TBX18: variants seen among roughly 807,000 people sequenced by gnomAD.
TBX18 encodes the protein T-box transcription factor 18.
Under a neutral mutation model 55.0 loss-of-function variants are expected in TBX18, and 21 were observed. The ratio of observed to expected loss-of-function variants is 0.38; its 90% CI spans 0.27 to 0.55. The LOEUF is 0.55. Among genes scored for constraint, TBX18 ranks in the 20% least tolerant of loss-of-function variants. The pLI, the probability that TBX18 is intolerant of heterozygous loss-of-function variation, is 0.73. For synonymous variants in TBX18, 342 were observed against 326.1 expected (o/e 1.05, Z -0.53); for missense variants, 840 against 799.6 (o/e 1.05, Z -0.61).
chr6:84,756,659 G>T, intron 4 of TBX18, 39 bp downstream of exon 4: 1 of 1,592,194 alleles, frequency 6.3e-7, no homozygotes, highest in Non-Finnish European at 8.6e-7. Flanking sequence ...AGATGTGGCT[G>T]TGCCATCTAC....
rs1442535768 is a variant in TBX18, at chr6:84,737,349, G to C, written c.1160C>G (p.Pro387Arg). 6.4e-7 allele frequency: 1 copy of C among 1,566,240 alleles called. No individual in the cohort carries two copies. The highest frequency in any genetic ancestry group is 8.6e-7 in the Non-Finnish European group (1 of 1,158,724). The change falls in exon 8 of 8, where the codon CCT becomes CGT. Residue 387 changes from proline (P) to arginine (R), a missense_variant. By Grantham distance (103) the Pro-to-Arg change is moderately radical (BLOSUM62 -2). Transcript: ENST00000369663. ...GCAAGAGGAGCCAGACAAAAGGTGA[G>C]GGTGAGTGGCAGGAACGCCATTCCC... ...GTGNGVPATH[P>R]HLLSGSSCSS...
intron 2 of TBX18, among the ~76,000 whole-genome samples, chr6:84,762,137 T>C (rs750421343): frequency 1.3e-5 from 2 of 150,328 alleles, no homozygotes; most frequent in Non-Finnish European, 3.0e-5. Flanking sequence ...TGGAGTAAAC[T>C]GCTGTTTAAA....
At chr6:84,747,003 G>T (rs1438481657) in intron 5 of TBX18, among the ~76,000 whole-genome samples, 4 of 151,996 alleles carry the variant, frequency 2.6e-5, no homozygotes, top group East Asian at 3.8e-4. Context: ...TCTCCATACG[G>T]ATAAGAGCTA....
chr6:84,756,537 C>T (rs890966810), intron 4 of TBX18, among the ~76,000 whole-genome samples, 161 bp downstream of exon 4: 8 of 152,160 alleles, frequency 5.3e-5, no homozygotes, highest in African/African-American at 1.9e-4. Flanking sequence ...GCAACAGGCA[C>T]AGTCTATGCA....
Position 84,736,597 on chromosome 6 carries a change from C to A in TBX18, c.*88G>T. The stretch of plus-strand genomic sequence containing the variant: ...TCTATTATATGTACATTTTATAAAC[C>A]ACAGAGAGTTTCTTTCCACATAGCT... On this transcript the variant is annotated 3_prime_UTR_variant, in exon 8 of 8. Transcript: ENST00000369663. 1 of 1,405,608 alleles carries A rather than the reference C, an allele frequency of 7.1e-7. No homozygotes were observed. The highest frequency in any genetic ancestry group is 9.4e-7 in the Non-Finnish European group (1 of 1,061,062). 87.1% of individuals were successfully genotyped at this position (1,405,608 alleles called of 1,614,324 possible). A position where few individuals can be genotyped will look rare whatever the true frequency, so the allele number is the denominator to read the frequency against.
intron 5 of TBX18, among the ~76,000 whole-genome samples, chr6:84,745,481 A>G (rs1242647312): frequency 1.3e-5 from 2 of 152,212 alleles, no homozygotes; most frequent in East Asian, 3.9e-4. Context: ...GTCCCCCTAC[A>G]TTGCTTGTGC....
Position 84,738,551 on chromosome 6 carries a change from G to T in TBX18, c.1045C>A (p.Arg349=). The change falls in exon 7 of 8, where the codon CGA becomes AGA. Residue 349 remains arginine (R), a synonymous_variant. Coordinates refer to ENST00000369663, the MANE Select transcript of TBX18 (RefSeq NM_001080508.3). ...AAGGTCAGAGTCCGTAGTGATGGTC[G>T]CCAGAATGCATATGATTCCACCAAG... is the stretch of plus-strand genomic sequence containing the variant. ...EALVESYAFW[R]PSLRTLTFED... 6.2e-7 allele frequency: 1 copy of T among 1,613,990 alleles called. No homozygotes were observed. Among genetic ancestry groups the T allele is most frequent in the Non-Finnish European group, 8.5e-7 (1 of 1,179,982 alleles).
chr6:84,756,837 G>A lies in TBX18; in HGVS notation c.632C>T (p.Ala211Val). ...YVYHSSKWMV[A>V]GNADSPVPPR... is the part of the protein sequence containing the mutation. ...TGGCACAGGCGAGTCAGCATTACCTGCCACCATCCATTTCGAACTGTGGTA... is the reference window on the plus strand; with the variant it reads ...TGGCACAGGCGAGTCAGCATTACCTACCACCATCCATTTCGAACTGTGGTA... The change falls in exon 4 of 8, where the codon GCA (alanine) becomes GTA (valine). Residue 211 changes from alanine (A) to valine (V), a missense_variant. Coordinates refer to ENST00000369663, the MANE Select transcript of TBX18 (RefSeq NM_001080508.3). 6.2e-7 allele frequency: 1 copy of A among 1,614,048 alleles called. No homozygotes were observed. Among genetic ancestry groups the A allele is most frequent in the Non-Finnish European group, 8.5e-7 (1 of 1,179,970 alleles).
intron 5 of TBX18, among the ~76,000 whole-genome samples, chr6:84,746,339 A>G (rs928310499): frequency 6.7e-6 from 1 of 149,902 alleles, no homozygotes; most frequent in Admixed American, 6.7e-5. Flanking sequence ...TCTCCCAAAA[A>G]ATCGTTTTCT....
intron 3 of TBX18, among the ~76,000 whole-genome samples, chr6:84,760,045 T>C (rs1050373113): frequency 6.6e-6 from 1 of 152,212 alleles, no homozygotes; most frequent in Non-Finnish European, 1.5e-5. Context: ...TTTCTCTATC[T>C]ATTAAAAACA....
chr6:84,739,722 C>CCAAG (rs1260657494), intron 6 of TBX18, among the ~76,000 whole-genome samples: 3 of 152,174 alleles, frequency 2.0e-5, no homozygotes, highest in African/African-American at 7.2e-5. Context: ...AAGTCATAAC[C>CCAAG]TGCAAACTAA....
chr6:84,739,621 G>T (rs1245717710), intron 6 of TBX18, among the ~76,000 whole-genome samples: 2 of 152,090 alleles, frequency 1.3e-5, no homozygotes, highest in African/African-American at 4.8e-5. Context: ...CTCCACTGTA[G>T]AAAATACTTG....
Position 84,756,811 on chromosome 6 carries a change from G to T in TBX18, c.658C>A (p.Pro220Thr), listed in dbSNP as rs769177001. ...GAGTCTGGATGAATGTACACACGGG[G>T]TGGCACAGGCGAGTCAGCATTACCT... ...VAGNADSPVP[P>T]RVYIHPDSPA... is the part of the protein sequence containing the mutation. The change falls in exon 4 of 8, where the codon CCC (proline) becomes ACC (threonine). Residue 220 changes from proline (P) to threonine (T), a missense_variant. By Grantham distance (38) the Pro-to-Thr change is conservative. Transcript: ENST00000369663. 5.0e-6 allele frequency: 8 copies of T among 1,614,100 alleles called. No individual in the cohort carries two copies. The Admixed American group carries it at 1.3e-4, about 27-fold the overall frequency.
At chr6:84,738,902 G>C (rs1364043603) in intron 6 of TBX18, among the ~76,000 whole-genome samples, 1 of 152,114 alleles carries the variant, frequency 6.6e-6, no homozygotes, top group Non-Finnish European at 1.5e-5. Flanking sequence ...AGTCCCTCCT[G>C]GCTGCTGTGA....
Position 84,736,800 on chromosome 6 carries a change from G to A in TBX18, c.1709C>T (p.Pro570Leu). Residue 570 changes from proline to leucine, a missense_variant, in exon 8 of 8, where the codon CCC (proline) becomes CTC (leucine). Pro to Leu is a moderately conservative substitution (Grantham distance 98). Coordinates refer to ENST00000369663, the MANE Select transcript of TBX18 (RefSeq NM_001080508.3). ...SGTMTDRQMLPPVEGVHLLSS... is the reference protein window; with the variant it reads ...SGTMTDRQMLLPVEGVHLLSS... ...AAGCAGGTGCACTCCTTCCACAGGG[G>A]GCAACATCTGCCGATCCGTCATGGT... 6.2e-7 allele frequency: 1 copy of A among 1,614,118 alleles called. No individual in the cohort carries two copies. Among genetic ancestry groups the A allele is most frequent in the Non-Finnish European group, 8.5e-7 (1 of 1,180,008 alleles).
chr6:84,745,510 C>T (rs770015561), intron 5 of TBX18, among the ~76,000 whole-genome samples: 4 of 152,022 alleles, frequency 2.6e-5, no homozygotes, highest in East Asian at 1.9e-4. Flanking sequence ...CAGTCAGCCA[C>T]GCAACACTTA....
At chr6:84,747,001 C>G (rs187730794) in intron 5 of TBX18, among the ~76,000 whole-genome samples, 1 of 151,848 alleles carries the variant, frequency 6.6e-6, no homozygotes, top group East Asian at 1.9e-4. Flanking sequence ...TGTCTCCATA[C>G]GGATAAGAGC....
rs143788703 is a variant in TBX18 at position 84,754,814 on chromosome 6, C to T, written c.771+1884G>A. On this transcript the variant is annotated intron_variant, in intron 4 of 7. Transcript: ENST00000369663. The stretch of plus-strand genomic sequence containing the variant: ...ATAATGTGGGTAGGCTTCATCCAAT[C>T]AGTTGAAGACTGTAGGAGAAAACAG... 3.9e-5 allele frequency among the ~76,000 whole-genome samples: 6 copies of T among 152,282 alleles called. No individual in the cohort carries two copies. In the East Asian group the frequency reaches 1.2e-3, roughly 29 times the overall value.
At chr6:84,757,757 G>T (rs1011735228) in intron 3 of TBX18, among the ~76,000 whole-genome samples, 1 of 151,472 alleles carries the variant, frequency 6.6e-6, no homozygotes, top group East Asian at 1.9e-4. Context: ...ACTATATTAA[G>T]ATTACCATTT....
Sources: gnomAD v4.1 joint callset for allele counts (sites outside exome capture counted in the v4.1 genomes callset) on GRCh38, gnomAD v4.1.1 for gene constraint, MANE v1.5 for transcripts, NCBI Gene and HGNC (gene_info 2026-07-23, HGNC 2026-07-21) for gene names.